Variants in FSIP1 observed in about 807,000 individuals in gnomAD.
The protein encoded by FSIP1 is fibrous sheath-interacting protein 1.
A neutral mutation model predicts 60.9 loss-of-function variants in FSIP1; 65 were observed. The observed-to-expected ratio is 1.07, with a 90% CI of 0.87 to 1.31. FSIP1 has a LOEUF of 1.31. Ranked by LOEUF, FSIP1 falls within the 40% of genes most tolerant of loss-of-function variation. The pLI is 0.00. For synonymous variants in FSIP1, 209 were observed against 221.2 expected, an observed-to-expected ratio of 0.94 and a Z score of 0.49; for missense variants, 675 against 665.5, an observed-to-expected ratio of 1.01 and a Z score of -0.16.
chr15:39,669,642 T>C (rs541379034), intron 10 of FSIP1, among the ~76,000 whole-genome samples: 16 of 152,324 alleles, frequency 1.1e-4, no homozygotes, highest in Admixed American at 4.6e-4. Flanking sequence ...AGTTTGAACA[T>C]TCAAGTTTTT....
chr15:39,635,662 T>C (rs1892103691), intron 10 of FSIP1, among the ~76,000 whole-genome samples: 1 of 152,106 alleles, frequency 6.6e-6, no homozygotes, highest in Admixed American at 6.5e-5. Flanking sequence ...AAAAATCAGG[T>C]GGCATAGCTA....
At chr15:39,700,969 T>C (rs1895033262) in intron 10 of FSIP1, among the ~76,000 whole-genome samples, 1 of 152,068 alleles carries the variant, frequency 6.6e-6, no homozygotes, top group African/African-American at 2.4e-5. Flanking sequence ...CTGGGCAACA[T>C]AGTGAGACCT....
chr15:39,678,872 T>C (rs750063611), intron 10 of FSIP1, among the ~76,000 whole-genome samples: 25 of 152,206 alleles, frequency 1.6e-4, no homozygotes, highest in Admixed American at 3.3e-4. Context: ...CAGTGGAGAA[T>C]TGATTCACTG....
rs140419546 is a variant in FSIP1 at position 39,762,773 on chromosome 15, C to G, written c.559+1048G>C. ...CTGTAATATATCAATCAAAGTTGTT[C>G]CAGGATAGCCAAGACTGAAATGGGA... On this transcript the variant is annotated intron_variant, in intron 5 of 11. Transcript: ENST00000350221. Among the ~76,000 whole-genome samples, 833 of 152,204 alleles carry G rather than the reference C, an allele frequency of 5.5e-3. 5 individuals are homozygous for G. Among genetic ancestry groups the G allele is most frequent in the African/African-American group, 0.019 (779 of 41,518 alleles).
chr15:39,751,382 T>C (rs533658124), intron 5 of FSIP1, among the ~76,000 whole-genome samples: 1 of 150,880 alleles, frequency 6.6e-6, no homozygotes, highest in South Asian at 2.1e-4. Flanking sequence ...CAAGTGTCCA[T>C]TGGCAGATGA....
intron 10 of FSIP1, among the ~76,000 whole-genome samples, chr15:39,696,285 TACAAAACGA>T (rs1469378830): frequency 6.6e-6 from 1 of 151,656 alleles, no homozygotes; most frequent in Non-Finnish European, 1.5e-5. Flanking sequence ...AGCTTTCCAA[TACAAAACGA>T]AAAGAATACC....
At chr15:39,694,422 A>G (rs568703731) in intron 10 of FSIP1, among the ~76,000 whole-genome samples, 1 of 152,332 alleles carries the variant, frequency 6.6e-6, no homozygotes, top group East Asian at 1.9e-4. Flanking sequence ...CTTTTAAAAG[A>G]CTCAAATTAT....
intron 10 of FSIP1, among the ~76,000 whole-genome samples, chr15:39,674,648 G>T (rs1366086829): frequency 2.0e-5 from 3 of 151,842 alleles, no homozygotes; most frequent in Non-Finnish European, 2.9e-5. Flanking sequence ...GAATAAAAAT[G>T]AAAACTGAAC....
intron 5 of FSIP1, 54 bp from the exon 6 acceptor site, chr15:39,741,954 G>T: frequency 3.2e-6 from 3 of 950,322 alleles, no homozygotes; most frequent in Admixed American, 1.9e-5. Context: ...TTAAGTAGTT[G>T]TCTACAAAAT....
At chr15:39,633,851 C>T (rs1395716135) in intron 10 of FSIP1, among the ~76,000 whole-genome samples, 4 of 152,234 alleles carry the variant, frequency 2.6e-5, no homozygotes, top group Non-Finnish European at 5.9e-5. Context: ...GTCATACACA[C>T]TGGACAATAG....
At chr15:39,665,946 T>C (rs1595590258) in intron 10 of FSIP1, among the ~76,000 whole-genome samples, 1 of 152,188 alleles carries the variant, frequency 6.6e-6, no homozygotes, top group South Asian at 2.1e-4. Flanking sequence ...TGGATTCTTA[T>C]ATTTCCCAGA....
intron 10 of FSIP1, among the ~76,000 whole-genome samples, chr15:39,708,651 G>A (rs1295534990): frequency 6.6e-6 from 1 of 152,054 alleles, no homozygotes; most frequent in Non-Finnish European, 1.5e-5. Context: ...ATAAATACAT[G>A]TAGCCCCATT....
intron 9 of FSIP1, among the ~76,000 whole-genome samples, chr15:39,718,508 T>TG (rs1895836465): frequency 2.0e-5 from 3 of 148,008 alleles, no homozygotes; most frequent in East Asian, 3.9e-4. Context: ...TTTTTTTTTT[T>TG]GAGACACGGT....
At chr15:39,672,774 C>T (rs1028561080) in intron 10 of FSIP1, among the ~76,000 whole-genome samples, 1 of 152,206 alleles carries the variant, frequency 6.6e-6, no homozygotes, top group Admixed American at 6.5e-5. Flanking sequence ...GAATCTAAGT[C>T]TGTTTCATTC....
At chr15:39,734,775 T>C (rs1405304354) in intron 8 of FSIP1, among the ~76,000 whole-genome samples, 2 of 152,046 alleles carry the variant, frequency 1.3e-5, no homozygotes, top group African/African-American at 4.8e-5. Context: ...GCGGTCGTAA[T>C]GAATATGAGC....
At position 39,774,996 on chromosome 15, in the gene FSIP1, G is replaced by A. The variant is rs78556471; in HGVS notation, c.126+1403C>T. 5.0e-3 allele frequency among the ~76,000 whole-genome samples: 768 copies of A among 152,204 alleles called. 8 individuals are homozygous for A. Among genetic ancestry groups the A allele is most frequent in the African/African-American group, 0.018 (744 of 41,518 alleles). ...TTTTGAGGTCTTCTGTTGATTTTGA[G>A]GAACTAAACTCTTTTTTGCAGTGGG... On this transcript the variant is annotated intron_variant, in intron 2 of 11. Coordinates refer to ENST00000350221, the MANE Select transcript of FSIP1 (RefSeq NM_152597.5).
chr15:39,775,056 C>A (rs2140731094), intron 2 of FSIP1, among the ~76,000 whole-genome samples: 1 of 152,304 alleles, frequency 6.6e-6, no homozygotes, highest in East Asian at 1.9e-4. Context: ...CACTCTGTCA[C>A]CCAAGCTGCA....
intron 10 of FSIP1, among the ~76,000 whole-genome samples, chr15:39,623,368 T>C (rs1010729542): frequency 2.6e-5 from 4 of 152,186 alleles, no homozygotes; most frequent in Non-Finnish European, 2.9e-5. Flanking sequence ...GGGTGTTTTT[T>C]ATTTCCCCCA....
chr15:39,763,881 CT>C lies in FSIP1; in HGVS notation c.498del (p.Glu167ArgfsTer12). 6.2e-7 allele frequency: 1 copy of C among 1,600,248 alleles called. No individual in the cohort carries two copies. The highest frequency in any genetic ancestry group is 8.6e-7 in the Non-Finnish European group (1 of 1,168,100). On this transcript the variant is annotated frameshift_variant, in exon 5 of 12. Coordinates refer to ENST00000350221, the MANE Select transcript of FSIP1 (RefSeq NM_152597.5). LOFTEE classifies it high-confidence loss of function. ...AATTTTTTTGTATTTTCCATCTCCT[CT>C]TTACTTTGCCAAGCTTCACTATATT... is the stretch of plus-strand genomic sequence containing the variant. ...SAKYSEAWQS[K>X]EEMENTKKFL...
Sources: gnomAD v4.1 joint callset for allele counts (sites outside exome capture counted in the v4.1 genomes callset) on GRCh38, gnomAD v4.1.1 for gene constraint, MANE v1.5 for transcripts, NCBI Gene and HGNC (gene_info 2026-07-23, HGNC 2026-07-21) for gene names.